INTS13: variants seen among roughly 807,000 people sequenced by gnomAD.
INTS13 encodes the protein integrator complex subunit 13.
INTS13 carries 35 observed loss-of-function variants against 90.2 expected under a neutral mutation model. The ratio of observed to expected loss-of-function variants is 0.39; its 90% CI spans 0.30 to 0.51. The LOEUF (loss-of-function observed/expected upper bound fraction) is 0.51. Among genes scored for constraint, INTS13 ranks in the 20% least tolerant of loss-of-function variants. The pLI is 0.80. For synonymous variants in INTS13, 309 were observed against 277.1 expected (o/e 1.11, Z -1.14); for missense variants, 601 against 851.2 (o/e 0.71, Z 3.66).
Position 26,920,403 on chromosome 12 carries a change from C to CT in INTS13, c.889+2212dup, listed in dbSNP as rs35574943. Among the ~76,000 whole-genome samples the CT allele has an allele frequency of 1.0e-3, 145 of 142,682 alleles. 2 individuals are homozygous for CT. Among genetic ancestry groups the CT allele is most frequent in the Admixed American group, 3.9e-3 (56 of 14,402 alleles). 93.6% of individuals were successfully genotyped at this position (142,682 alleles called of 152,430 possible). ...TGTGTTACAAAGGATATTTTTGACA[C>CT]TTTTTTTTTTTTTTGAGACAGAGTC... On this transcript the variant is annotated intron_variant, in intron 8 of 16. Coordinates refer to ENST00000261191, the MANE Select transcript of INTS13 (RefSeq NM_018164.3).
rs1951969247 is a variant in INTS13, at chr12:26,917,426, G to C, written c.995C>G (p.Thr332Ser). 1.3e-6 allele frequency: 2 copies of C among 1,539,318 alleles called. No homozygotes were observed. Among genetic ancestry groups the C allele is most frequent in the African/African-American group, 1.4e-5 (1 of 72,436 alleles). The change falls in exon 10 of 17, where the codon ACT becomes AGT. Residue 332 changes from threonine to serine, a missense_variant. Coordinates refer to ENST00000261191, the MANE Select transcript of INTS13 (RefSeq NM_018164.3). ...TACAGGTGAAATCCGATAAGCTCCA[G>C]TACAATAGTGTAATTCTGAAATAGA... Reference protein sequence around the residue: ...RTNNIELHYCTGAYRISPVDV... With the variant: ...RTNNIELHYCSGAYRISPVDV...
chr12:26,913,424 C>T, intron 14 of INTS13, 33 bp downstream of exon 14: 6 of 1,534,048 alleles, frequency 3.9e-6, no homozygotes, highest in Non-Finnish European at 5.4e-6. Context: ...TAACAAAAGG[C>T]ACCATGGTGC....
At chr12:26,913,789 C>T (rs967500515) in intron 13 of INTS13, 102 bp from the exon 14 acceptor site, 250 of 1,197,854 alleles carry the variant, frequency 2.1e-4, no homozygotes, top group Non-Finnish European at 2.7e-4. Context: ...CTTCCTCTTA[C>T]TTGGTACTTA....
In INTS13 at chr12:26,916,702, T is replaced by C. The variant is rs543545506; in HGVS notation, c.1070-522A>G. Among the ~76,000 whole-genome samples, 3 of 152,336 alleles carry C rather than the reference T, an allele frequency of 2.0e-5. No homozygotes were observed. The South Asian group carries it at 6.2e-4, about 32-fold the overall frequency. ...CTTAACTAAGAATGACATAACCTTA[T>C]GATAAAGACAGACTGACTCTTTAGA... On this transcript the variant is annotated intron_variant, in intron 10 of 16. Transcript: ENST00000261191.
intron 10 of INTS13, among the ~76,000 whole-genome samples, chr12:26,916,699 T>C (rs1287188348): frequency 3.3e-5 from 5 of 152,174 alleles, no homozygotes; most frequent in Non-Finnish European, 7.4e-5. Flanking sequence ...TGACATAACC[T>C]TATGATAAAG....
chr12:26,916,254 C>A, intron 10 of INTS13, 74 bp from the exon 11 acceptor site: 1 of 1,305,402 alleles, frequency 7.7e-7, no homozygotes. Context: ...AGATTTATGT[C>A]TAGATTTTTT....
intron 8 of INTS13, among the ~76,000 whole-genome samples, chr12:26,921,013 G>C (rs1473694000): frequency 6.6e-6 from 1 of 152,182 alleles, no homozygotes; most frequent in Non-Finnish European, 1.5e-5. Flanking sequence ...AAATGTCAAA[G>C]CTTAAAGGCT....
At chr12:26,922,734 T>C in intron 7 of INTS13, 34 bp from the exon 8 acceptor site, 1 of 1,410,496 alleles carries the variant, frequency 7.1e-7, no homozygotes, top group Non-Finnish European at 9.6e-7. Context: ...TTAAAAAACT[T>C]GGTTTTGCTT....
intron 1 of INTS13, among the ~76,000 whole-genome samples, chr12:26,937,251 C>A (rs1427522417): frequency 6.6e-6 from 1 of 152,040 alleles, no homozygotes; most frequent in Non-Finnish European, 1.5e-5. Flanking sequence ...CCAAGAAAAA[C>A]GTTTGAAGGG....
intron 3 of INTS13, chr12:26,929,144 A>G (rs961218120): frequency 1.3e-5 from 5 of 372,264 alleles, no homozygotes; most frequent in Non-Finnish European, 2.4e-5. Context: ...ACAATACATC[A>G]TATATCAATA....
At chr12:26,928,940 G>A (rs2029310) in intron 3 of INTS13, 35 bp from the exon 4 acceptor site, 328,839 of 1,576,800 alleles carry the variant, frequency 0.21, 37,224 homozygotes, top group East Asian at 0.5. Flanking sequence ...GTTGACAAGA[G>A]TATGTGCAAT....
chr12:26,916,023 T>C lies in INTS13; in HGVS notation c.1227A>G (p.Arg409=). Reference sequence around the variant, plus strand: ...TTACTGTAATCCGGTAGTCTGTAACTCTTCCTCCACATCCTTCACTAATTG... The same window carrying C: ...TTACTGTAATCCGGTAGTCTGTAACCCTTCCTCCACATCCTTCACTAATTG... ...PPSISEGCGG[R]VTDYRITDFG... is the part of the protein sequence containing the mutation. The change falls in exon 11 of 17, where the codon AGA becomes AGG. Residue 409 remains arginine (R), a synonymous_variant. Transcript: ENST00000261191. 6.2e-7 allele frequency: 1 copy of C among 1,613,020 alleles called. No homozygotes were observed.
At chr12:26,910,981 G>A (rs1951756816) in intron 15 of INTS13, among the ~76,000 whole-genome samples, 197 bp downstream of exon 15, 1 of 152,124 alleles carries the variant, frequency 6.6e-6, no homozygotes, top group East Asian at 1.9e-4. Flanking sequence ...GATTACAGGT[G>A]TGTGTCACCA....
chr12:26,928,554 CAA>C (rs374722209), intron 4 of INTS13, 147 bp downstream of exon 4: 21,540 of 550,016 alleles, frequency 0.039, no homozygotes, highest in South Asian at 0.065. Context: ...TATTAAAAGG[CAA>C]AAAAAAAAAA....
chr12:26,925,855 A>T lies in INTS13; in HGVS notation c.585-4T>A, dbSNP rs1937839194. Reference sequence around the variant, plus strand: ...ACATTTTTGAATCTGCATGAGACTTAAAGAGAAATTTTTGACTTAAAATTT... The same window carrying T: ...ACATTTTTGAATCTGCATGAGACTTTAAGAGAAATTTTTGACTTAAAATTT... On this transcript the variant is annotated splice_polypyrimidine_tract_variant and splice_region_variant and intron_variant, in intron 5 of 16. Transcript: ENST00000261191. 1.9e-6 allele frequency: 3 copies of T among 1,608,618 alleles called. No homozygotes were observed.
In INTS13 at chr12:26,931,623, C is replaced by T. The variant is rs188781707; in HGVS notation, c.301-2718G>A. On this transcript the variant is annotated intron_variant, in intron 3 of 16. Transcript: ENST00000261191. ...GTTGTTCACATTCATCAGGGAAGGA[C>T]CTTGTAGACTGAAGTCTTCTATCCA... Among the ~76,000 whole-genome samples, 6 of 152,242 alleles carry T rather than the reference C, an allele frequency of 3.9e-5. No individual in the cohort carries two copies. The East Asian group carries it at 9.6e-4, about 24-fold the overall frequency.
chr12:26,907,558 A>G (rs1371551804), intron 15 of INTS13, among the ~76,000 whole-genome samples: 2 of 152,230 alleles, frequency 1.3e-5, no homozygotes, highest in African/African-American at 4.8e-5. Flanking sequence ...TAACACCTAA[A>G]GCATAATCAT....
chr12:26,931,893 C>A (rs890599890), intron 3 of INTS13, among the ~76,000 whole-genome samples: 1 of 152,042 alleles, frequency 6.6e-6, no homozygotes. Flanking sequence ...TCAAGACCAG[C>A]CTGGCCAACA....
chr12:26,934,560 T>C lies in INTS13; in HGVS notation c.296A>G (p.Gln99Arg). The C allele has an allele frequency of 1.9e-6, 3 of 1,608,244 alleles. No homozygotes were observed. Among genetic ancestry groups the C allele is most frequent in the Non-Finnish European group, 1.7e-6 (2 of 1,174,716 alleles). The change falls in exon 3 of 17, where the codon CAG becomes CGG. Residue 99 changes from glutamine (Q) to arginine (R), a missense_variant. Physicochemically the swap from Gln to Arg is conservative, Grantham distance 43. Around this residue, in one of 3 missense-constraint regions of INTS13, gnomAD observed 284 missense variants for 387.7 expected, o/e 0.73. Coordinates refer to ENST00000261191, the MANE Select transcript of INTS13 (RefSeq NM_018164.3). ...NSWTQEDQNL[Q>R]ELMAALAAVG... ...CAGCTCAAAATCTAACCATACCTCC[T>C]GTAAATTTTGGTCTTCTTGAGTCCA...
Sources: gnomAD v4.1 joint callset for allele counts (sites outside exome capture counted in the v4.1 genomes callset) on GRCh38, gnomAD v4.1.1 for gene constraint, gnomAD v4.1.1 regional missense constraint, MANE v1.5 for transcripts, NCBI Gene and HGNC (gene_info 2026-07-23, HGNC 2026-07-21) for gene names.